Variants in MDGA2 observed in about 807,000 individuals in gnomAD.
MDGA2 encodes MAM domain-containing glycosylphosphatidylinositol anchor protein 2.
A neutral mutation model predicts 117.8 loss-of-function variants in MDGA2; 40 were observed. The ratio of observed to expected loss-of-function variants is 0.34; its 90% CI spans 0.26 to 0.44. The LOEUF is 0.44. MDGA2 is among the 20% of genes least tolerant of loss of function. The pLI, the probability that MDGA2 is intolerant of heterozygous loss-of-function variation, is 1.00. For missense variants in MDGA2, 1,123 were observed against 1,250.6 expected, an observed-to-expected ratio of 0.90 and a Z score of 1.54; for synonymous variants, 452 against 439.0, an observed-to-expected ratio of 1.03 and a Z score of -0.37.
chr14:47,163,638 C>T (rs1031308265), intron 3 of MDGA2, among the ~76,000 whole-genome samples: 7 of 152,092 alleles, frequency 4.6e-5, no homozygotes, highest in Non-Finnish European at 8.8e-5. Context: ...TGTAAATTGC[C>T]CTGTCTCTGG....
rs189420326 is a variant in MDGA2 at position 47,527,602 on chromosome 14, T to C, written c.280+146915A>G. On this transcript the variant is annotated intron_variant, in intron 1 of 16. Transcript: ENST00000399232. ...AGGAGTGATGTGGCGTGAGGTTGGG[T>C]AGTTAGAAAAGAGGAAACTCTGAAG... 3.9e-5 allele frequency among the ~76,000 whole-genome samples: 6 copies of C among 152,102 alleles called. 1 individual carries two copies. In the East Asian group the frequency reaches 1.2e-3, roughly 30 times the overall value.
chr14:47,554,365 G>A (rs1895645195), intron 1 of MDGA2, among the ~76,000 whole-genome samples: 1 of 152,130 alleles, frequency 6.6e-6, no homozygotes, highest in South Asian at 2.1e-4. Context: ...TTTGTGTGAT[G>A]CACTCAAATA....
chr14:47,067,640 G>A (rs1250949106), intron 6 of MDGA2, among the ~76,000 whole-genome samples: 1 of 152,072 alleles, frequency 6.6e-6, no homozygotes, highest in African/African-American at 2.4e-5. Flanking sequence ...TAACTTACCA[G>A]TTTGTTCCTG....
At chr14:47,502,140 G>A (rs1247488461) in intron 1 of MDGA2, among the ~76,000 whole-genome samples, 1 of 151,944 alleles carries the variant, frequency 6.6e-6, no homozygotes, top group Non-Finnish European at 1.5e-5. Flanking sequence ...CAAAATAGCT[G>A]GGCCTGTAGC....
chr14:46,986,398 G>A (rs1205693110), intron 8 of MDGA2, among the ~76,000 whole-genome samples: 1 of 151,970 alleles, frequency 6.6e-6, no homozygotes, highest in African/African-American at 2.4e-5. Context: ...AAAGCACCAG[G>A]GTGATTTGCT....
At chr14:46,944,286 A>C (rs1885095045) in intron 9 of MDGA2, among the ~76,000 whole-genome samples, 1 of 152,070 alleles carries the variant, frequency 6.6e-6, no homozygotes, top group East Asian at 1.9e-4. Flanking sequence ...TTAAAGATTT[A>C]AAGATGTCCC....
At chr14:47,116,843 G>C (rs1427735163) in intron 5 of MDGA2, among the ~76,000 whole-genome samples, 1 of 151,880 alleles carries the variant, frequency 6.6e-6, no homozygotes, top group Non-Finnish European at 1.5e-5. Flanking sequence ...TCATTCCATT[G>C]ATCTTGGGAA....
At chr14:47,304,791 T>C (rs552024711) in intron 1 of MDGA2, among the ~76,000 whole-genome samples, 3 of 152,238 alleles carry the variant, frequency 2.0e-5, no homozygotes, top group African/African-American at 7.2e-5. Context: ...GTCCCATTTC[T>C]CTGTAATATC....
At chr14:47,059,229 A>T (rs1398004190) in intron 7 of MDGA2, 1 of 963,322 alleles carries the variant, frequency 1.0e-6, no homozygotes, top group Admixed American at 2.4e-5. Context: ...GGCTATTGAG[A>T]TTATAGCAAT....
rs192969940 is a variant in MDGA2, at chr14:47,255,057, G to C, written c.421-36862C>G. Among the ~76,000 whole-genome samples, 5 of 152,196 alleles carry C rather than the reference G, an allele frequency of 3.3e-5. No individual in the cohort carries two copies. In the East Asian group the frequency reaches 9.7e-4, roughly 29 times the overall value. ...TCGGGTTCCCTCCCACCACATGTGG[G>C]GATTATGGGAACTACAGTTCAAGAT... On this transcript the variant is annotated intron_variant, in intron 2 of 16. Coordinates refer to ENST00000399232, the MANE Select transcript of MDGA2 (RefSeq NM_001113498.3).
chr14:47,499,322 A>T (rs986501214), intron 1 of MDGA2, among the ~76,000 whole-genome samples: 1 of 152,248 alleles, frequency 6.6e-6, no homozygotes, highest in East Asian at 1.9e-4. Context: ...GGTGAGCTTT[A>T]TCCTTTATTG....
intron 8 of MDGA2, among the ~76,000 whole-genome samples, chr14:46,963,973 T>C (rs1162716481): frequency 1.3e-5 from 2 of 152,176 alleles, no homozygotes; most frequent in Non-Finnish European, 2.9e-5. Context: ...TTTCATTAAG[T>C]CTGGATGGGC....
chr14:47,600,541 A>C (rs981598411), intron 1 of MDGA2, among the ~76,000 whole-genome samples: 2 of 152,104 alleles, frequency 1.3e-5, no homozygotes, highest in African/African-American at 4.8e-5. Context: ...AAAGGTAGTA[A>C]GAATTGTGTC....
At chr14:47,241,731 C>A (rs928740810) in intron 2 of MDGA2, among the ~76,000 whole-genome samples, 7 of 151,716 alleles carry the variant, frequency 4.6e-5, no homozygotes, top group Non-Finnish European at 8.8e-5. Flanking sequence ...TTCATTGTAT[C>A]ATAAAACCCT....
At chr14:47,069,626 C>T (rs1255341376) in intron 6 of MDGA2, among the ~76,000 whole-genome samples, 2 of 152,144 alleles carry the variant, frequency 1.3e-5, no homozygotes, top group African/African-American at 2.4e-5. Flanking sequence ...TTTTCTAAAT[C>T]ATTTTGCCGT....
chr14:47,135,396 T>C (rs1882403102), intron 4 of MDGA2, among the ~76,000 whole-genome samples: 1 of 152,068 alleles, frequency 6.6e-6, no homozygotes, highest in Admixed American at 6.6e-5. Flanking sequence ...AAAAGCAAAC[T>C]TACTAAAAAT....
At chr14:47,418,462 C>T (rs889682177) in intron 1 of MDGA2, among the ~76,000 whole-genome samples, 1 of 152,156 alleles carries the variant, frequency 6.6e-6, no homozygotes, top group Non-Finnish European at 1.5e-5. Context: ...TGGTAGTACC[C>T]ACTTTCTGAT....
intron 1 of MDGA2, among the ~76,000 whole-genome samples, chr14:47,398,013 G>A (rs143291576): frequency 4.6e-5 from 7 of 152,104 alleles, no homozygotes; most frequent in African/African-American, 9.6e-5. Flanking sequence ...TCACAACATC[G>A]CTTTGAGAAT....
At chr14:47,461,265 A>ATGTGTGTGTGTGTGTGTGTG (rs1415422668) in intron 1 of MDGA2, among the ~76,000 whole-genome samples, 2 of 13,272 alleles carry the variant, frequency 1.5e-4, no homozygotes, top group East Asian at 3.5e-3. Flanking sequence ...AGTTAAAAAA[A>ATGTGTGTGTGTGTGTGTGTG]TGTATGTGTG....
Sources: gnomAD v4.1 joint callset for allele counts (sites outside exome capture counted in the v4.1 genomes callset) on GRCh38, gnomAD v4.1.1 for gene constraint, MANE v1.5 for transcripts, NCBI Gene and HGNC (gene_info 2026-07-23, HGNC 2026-07-21) for gene names.